EYA1: variants seen among roughly 807,000 people sequenced by gnomAD.
EYA1 encodes the protein protein phosphatase EYA1.
In EYA1, 16 loss-of-function variants were observed where a neutral mutation model predicts 82.0. The observed-to-expected ratio is 0.20, with a 90% CI of 0.13 to 0.30. EYA1 has a LOEUF of 0.30. Ranked by LOEUF, EYA1 falls within the 10% of genes least tolerant of loss-of-function variation. EYA1 has a pLI of 1.00. For missense variants in EYA1, 633 were observed against 730.7 expected, an observed-to-expected ratio of 0.87 and a Z score of 1.54; for synonymous variants, 261 against 264.4, an observed-to-expected ratio of 0.99 and a Z score of 0.12.
At chr8:71,319,438 G>A (rs907496313) in intron 6 of EYA1, among the ~76,000 whole-genome samples, 1 of 152,056 alleles carries the variant, frequency 6.6e-6, no homozygotes, top group Non-Finnish European at 1.5e-5. Flanking sequence ...CCTAAGTCAT[G>A]TATTTTTATT....
Position 71,304,696 on chromosome 8 carries a change from G to A in EYA1, c.557-4976C>T, listed in dbSNP as rs1009943292. ...TATAACCTTTCTTCTTATACACTAA[G>A]AAAGTAATCATTCTCTTCAAGCATT... On this transcript the variant is annotated intron_variant, in intron 7 of 17. Coordinates refer to ENST00000340726, the MANE Select transcript of EYA1 (RefSeq NM_000503.6). Among the ~76,000 whole-genome samples, 8 of 142,890 alleles carry A rather than the reference G, an allele frequency of 5.6e-5. 2 individuals carry two copies. Among genetic ancestry groups the A allele is most frequent in the Non-Finnish European group, 1.1e-4 (7 of 62,868 alleles). The allele number at this position is 142,890 out of a possible 152,430, so 93.7% of individuals were successfully genotyped here.
At chr8:71,494,685 C>T (rs758211908) in intron 2 of EYA1, among the ~76,000 whole-genome samples, 6 of 152,000 alleles carry the variant, frequency 3.9e-5, no homozygotes, top group Non-Finnish European at 8.8e-5. Flanking sequence ...TAAATGAAGA[C>T]AAGGCCTAGA....
chr8:71,393,215 C>T (rs1203036310), intron 2 of EYA1, among the ~76,000 whole-genome samples: 1 of 152,008 alleles, frequency 6.6e-6, no homozygotes, highest in African/African-American at 2.4e-5. Flanking sequence ...CATAATTATG[C>T]AAACATTGTC....
intron 11 of EYA1, among the ~76,000 whole-genome samples, chr8:71,260,800 T>C (rs957452864): frequency 6.6e-6 from 1 of 152,230 alleles, no homozygotes; most frequent in Admixed American, 6.5e-5. Flanking sequence ...AGCAGGTTTA[T>C]GAGATTTATT....
At chr8:71,262,631 T>C (rs1380560587) in intron 11 of EYA1, among the ~76,000 whole-genome samples, 1 of 152,204 alleles carries the variant, frequency 6.6e-6, no homozygotes, top group East Asian at 1.9e-4. Context: ...TTCCTGTTCA[T>C]TCACTGCATT....
chr8:71,228,979 G>C (rs1386139782), intron 12 of EYA1, among the ~76,000 whole-genome samples: 1 of 152,228 alleles, frequency 6.6e-6, no homozygotes, highest in Non-Finnish European at 1.5e-5. Context: ...AAAGCATCTA[G>C]CGGGAGGGGA....
At chr8:71,348,067 T>C (rs552722817) in intron 3 of EYA1, among the ~76,000 whole-genome samples, 1 of 152,178 alleles carries the variant, frequency 6.6e-6, no homozygotes, top group South Asian at 2.1e-4. Context: ...GTCACTGACA[T>C]ATGACAGATA....
intron 7 of EYA1, among the ~76,000 whole-genome samples, chr8:71,306,003 G>A (rs942122004): frequency 6.6e-6 from 1 of 152,168 alleles, no homozygotes; most frequent in South Asian, 2.1e-4. Flanking sequence ...CCTATCCCTC[G>A]AAGAAAGTTT....
At chr8:71,526,539 A>G (rs1319473533) in intron 2 of EYA1, among the ~76,000 whole-genome samples, 3 of 152,176 alleles carry the variant, frequency 2.0e-5, no homozygotes, top group Non-Finnish European at 4.4e-5. Flanking sequence ...CTGGGGCTGC[A>G]GTCATCTGAA....
chr8:71,427,513 C>T (rs564540926), intron 2 of EYA1, among the ~76,000 whole-genome samples: 2 of 152,264 alleles, frequency 1.3e-5, no homozygotes, highest in South Asian at 4.1e-4. Flanking sequence ...AGTATTTCTA[C>T]CATTGCCTCA....
intron 2 of EYA1, among the ~76,000 whole-genome samples, chr8:71,513,525 C>A (rs536811644): frequency 6.6e-6 from 1 of 152,144 alleles, no homozygotes; most frequent in South Asian, 2.1e-4. Context: ...TGTTTTGATA[C>A]AGGCATACCA....
chr8:71,271,550 T>C (rs150910075), intron 10 of EYA1, among the ~76,000 whole-genome samples: 1 of 152,230 alleles, frequency 6.6e-6, no homozygotes, highest in Non-Finnish European at 1.5e-5. Flanking sequence ...TGCCATATAG[T>C]TCATAGGGAA....
intron 2 of EYA1, among the ~76,000 whole-genome samples, chr8:71,485,340 T>C (rs4615610): frequency 0.69 from 104,374 of 152,062 alleles, 37,752 homozygotes; most frequent in African/African-American, 0.9. Context: ...GACATATGTC[T>C]TTTCACTGAA....
chr8:71,262,418 C>T (rs1815241096), intron 11 of EYA1, among the ~76,000 whole-genome samples: 1 of 152,176 alleles, frequency 6.6e-6, no homozygotes, highest in African/African-American at 2.4e-5. Flanking sequence ...CCTGCTTCCT[C>T]CTCTGAACCC....
At chr8:71,429,645 T>A (rs1805485241) in intron 2 of EYA1, among the ~76,000 whole-genome samples, 1 of 152,054 alleles carries the variant, frequency 6.6e-6, no homozygotes, top group African/African-American at 2.4e-5. Context: ...GCTCAATAAA[T>A]ATTAGGTCCT....
Position 71,249,082 on chromosome 8 carries a change from G to A in EYA1, c.1051-4390C>T, listed in dbSNP as rs552737828. 2.0e-5 allele frequency among the ~76,000 whole-genome samples: 3 copies of A among 152,256 alleles called. No homozygotes were observed. In the East Asian group the frequency reaches 5.8e-4, roughly 29 times the overall value. ...TTTAGAGCTTTGCCTCCACTTCAAA[G>A]TAACATCTCATTTTAAGTCAATCTC... On this transcript the variant is annotated intron_variant, in intron 11 of 17. Coordinates refer to ENST00000340726, the MANE Select transcript of EYA1 (RefSeq NM_000503.6).
At chr8:71,296,761 TTC>T (rs1819645224) in intron 9 of EYA1, among the ~76,000 whole-genome samples, 1 of 152,118 alleles carries the variant, frequency 6.6e-6, no homozygotes, top group South Asian at 2.1e-4. Flanking sequence ...TAATAAATTC[TTC>T]TGTTTTATGT....
At chr8:71,359,656 T>C (rs1275912025) in intron 1 of EYA1, among the ~76,000 whole-genome samples, 1 of 152,202 alleles carries the variant, frequency 6.6e-6, no homozygotes, top group Non-Finnish European at 1.5e-5. Context: ...AAAATGTAGG[T>C]ACTTGTCTAA....
chr8:71,443,066 C>A (rs1806547715), intron 2 of EYA1, among the ~76,000 whole-genome samples: 1 of 152,092 alleles, frequency 6.6e-6, no homozygotes, highest in South Asian at 2.1e-4. Flanking sequence ...GCAGAATCTG[C>A]AACACACAGA....
Sources: gnomAD v4.1 joint callset for allele counts (sites outside exome capture counted in the v4.1 genomes callset) on GRCh38, gnomAD v4.1.1 for gene constraint, MANE v1.5 for transcripts, NCBI Gene and HGNC (gene_info 2026-07-23, HGNC 2026-07-21) for gene names.